Variants in PSG4 observed in about 807,000 individuals in gnomAD.
PSG4 encodes the protein pregnancy specific beta-1-glycoprotein 4.
In PSG4, 61 loss-of-function variants were observed where a neutral mutation model predicts 44.3. That is an observed-to-expected ratio of 1.38 (90% CI 1.12 to 1.70). The LOEUF (loss-of-function observed/expected upper bound fraction) is 1.70. Among genes scored for constraint, PSG4 ranks in the 40% most tolerant of loss-of-function variants. PSG4 has a pLI of 0.00. For missense variants in PSG4, 677 were observed against 511.7 expected (o/e 1.32, Z -3.12); for synonymous variants, 248 against 191.3 (o/e 1.30, Z -2.45).
At position 43,198,348 on chromosome 19, in the gene PSG4, G is replaced by A. The variant is rs1599772953; in HGVS notation, c.431-73C>T. 7 of 1,529,830 alleles carry A rather than the reference G, an allele frequency of 4.6e-6. 1 individual carries two copies. Among genetic ancestry groups the A allele is most frequent in the African/African-American group, 4.4e-5 (3 of 67,578 alleles). 94.8% of individuals were successfully genotyped at this position (1,529,830 alleles called of 1,614,324 possible). On this transcript the variant is annotated intron_variant, in intron 2 of 5. Coordinates refer to ENST00000405312, the MANE Select transcript of PSG4 (RefSeq NM_002780.5). ...CTTCCAAAGGCATTTTTCAATCAGA[G>A]TTGGCATTTCCCACCTCTCAGCCCA...
chr19:43,201,232 G>A (rs1342861902), intron 2 of PSG4, among the ~76,000 whole-genome samples: 2 of 145,400 alleles, frequency 1.4e-5, no homozygotes, highest in East Asian at 2.4e-4. Flanking sequence ...TTTATGGTTT[G>A]ACTTTGAAGC....
At chr19:43,200,974 G>A (rs1360250044) in intron 2 of PSG4, among the ~76,000 whole-genome samples, 1 of 146,016 alleles carries the variant, frequency 6.8e-6, no homozygotes, top group African/African-American at 2.6e-5. Flanking sequence ...GAAGTCTCTA[G>A]GAAGTGACAG....
In PSG4 at chr19:43,194,422, C is replaced by T. The variant is rs776868878; in HGVS notation, c.1161G>A (p.Lys387=). The T allele has an allele frequency of 1.2e-6, 2 of 1,612,262 alleles. No individual in the cohort carries two copies. The highest frequency in any genetic ancestry group is 1.3e-5 in the African/African-American group (1 of 74,500). Residue 387 remains lysine (K), a synonymous_variant, in exon 5 of 6, where the codon AAG becomes AAA. Coordinates refer to ENST00000405312, the MANE Select transcript of PSG4 (RefSeq NM_002780.5). ...QKLSIPQITT[K]HSGLYACSVR... is the part of the protein sequence containing the mutation. Reference sequence around the variant, plus strand: ...CAGAGCAAGCATAGAGCCCACTATGCTTTGTAGTTATTTGGGGGATAGAGA... The same window carrying T: ...CAGAGCAAGCATAGAGCCCACTATGTTTTGTAGTTATTTGGGGGATAGAGA...
chr19:43,204,699 C>CCCCCGCT (rs58719697), intron 1 of PSG4: 1 of 190,912 alleles, frequency 5.2e-6, no homozygotes, highest in Non-Finnish European at 9.4e-6. Flanking sequence ...TGTCTTCCCC[C>CCCCCGCT]CACGATGACT....
In PSG4 at chr19:43,195,261, T is replaced by A; in HGVS notation, c.722A>T (p.Lys241Met). Residue 241 changes from lysine to methionine, a missense_variant, in exon 4 of 6, where the codon AAG becomes ATG. By Grantham distance (95) the Lys-to-Met change is moderately conservative (BLOSUM62 -1). Transcript: ENST00000405312. ...VTLNLLPKLS[K>M]PYITINNLNP... The stretch of plus-strand genomic sequence containing the variant: ...TAAGTTGTTGATTGTGATGTAGGGC[T>A]TGGACAGCTTTGCTGTGTGGATAAC... 1.9e-6 allele frequency: 3 copies of A among 1,610,412 alleles called. No homozygotes were observed. The South Asian group carries it at 3.3e-5, about 18-fold the overall frequency.
chr19:43,197,893 T>A lies in PSG4; in HGVS notation c.709+104A>T. 8 of 1,575,004 alleles carry A rather than the reference T, an allele frequency of 5.1e-6. 1 individual carries two copies. Among genetic ancestry groups the A allele is most frequent in the Non-Finnish European group, 6.9e-6 (8 of 1,166,508 alleles). ...CATGGCCAGCTTTGATGTCTAGGGGTAAAGGTCTCTGTACTTGGACCTGAG... is the reference window on the plus strand; with the variant it reads ...CATGGCCAGCTTTGATGTCTAGGGGAAAAGGTCTCTGTACTTGGACCTGAG... On this transcript the variant is annotated intron_variant, in intron 3 of 5. Coordinates refer to ENST00000405312, the MANE Select transcript of PSG4 (RefSeq NM_002780.5).
At chr19:43,194,690 C>T (rs1967158652) in intron 4 of PSG4, 96 bp from the exon 5 acceptor site, 1 of 1,512,564 alleles carries the variant, frequency 6.6e-7, no homozygotes, top group Non-Finnish European at 8.9e-7. Context: ...TAAGCCAAGA[C>T]ACACCTTCAA....
intron 3 of PSG4, among the ~76,000 whole-genome samples, chr19:43,196,226 T>G (rs968661550): frequency 6.6e-6 from 1 of 150,948 alleles, no homozygotes; most frequent in Non-Finnish European, 1.5e-5. Context: ...GACATTCTAC[T>G]CTCTGATTCC....
rs1967188137 is a variant in PSG4 at position 43,195,215 on chromosome 19, A to G, written c.768T>C (p.Asp256=). The change falls in exon 4 of 6, where the codon GAT becomes GAC. Residue 256 remains aspartate (D), a synonymous_variant. Transcript: ENST00000405312. ...TAGGTTCACAGGTGAAGGTTAAGAC[A>G]TCCTTATTCTCTCTGGGGTTTAAGT... ...INNLNPRENK[D]VLTFTCEPKS... 2 of 1,610,338 alleles carry G rather than the reference A, an allele frequency of 1.2e-6. No individual in the cohort carries two copies. The highest frequency in any genetic ancestry group is 1.1e-5 in the South Asian group (1 of 90,926).
At chr19:43,205,299 G>A (rs1359963807) in intron 1 of PSG4, among the ~76,000 whole-genome samples, 174 bp downstream of exon 1, 2 of 142,498 alleles carry the variant, frequency 1.4e-5, no homozygotes, top group African/African-American at 2.7e-5. Context: ...AGTAGAGACA[G>A]GGCTTCACAG....
intron 2 of PSG4, among the ~76,000 whole-genome samples, chr19:43,200,850 G>A (rs150348666): frequency 0.039 from 5,726 of 146,142 alleles, 1,131 homozygotes; most frequent in East Asian, 0.16. Context: ...GATTATAGGC[G>A]TGAGCCACTG....
intron 2 of PSG4, among the ~76,000 whole-genome samples, chr19:43,201,123 G>A (rs1021846242): frequency 6.9e-6 from 1 of 145,708 alleles, no homozygotes; most frequent in African/African-American, 2.6e-5. Context: ...AGCAGTGACA[G>A]CAAACTAGCA....
rs1052266517 is a variant in PSG4 at position 43,194,273 on chromosome 19, C to T, written c.1243+67G>A. On this transcript the variant is annotated intron_variant, in intron 5 of 5. Coordinates refer to ENST00000405312, the MANE Select transcript of PSG4 (RefSeq NM_002780.5). ...GCTGGGAATAAAAATGTTTTCCTCACTCTTCCCTGAATGCCAGATAGACTC... is the reference window on the plus strand; with the variant it reads ...GCTGGGAATAAAAATGTTTTCCTCATTCTTCCCTGAATGCCAGATAGACTC... 12 of 1,609,844 alleles carry T rather than the reference C, an allele frequency of 7.5e-6. No homozygotes were observed. The African/African-American group carries it at 1.5e-4, about 20-fold the overall frequency.
intron 3 of PSG4, chr19:43,196,404 G>C (rs769416157): frequency 2.0e-5 from 3 of 151,570 alleles, no homozygotes; most frequent in Non-Finnish European, 2.9e-5. Context: ...TGTAGAGCTT[G>C]ATGCCTATAA....
rs1247531098 is a variant in PSG4, at chr19:43,199,257, C to A, written c.431-982G>T. Among the ~76,000 whole-genome samples, 2 of 144,920 alleles carry A rather than the reference C, an allele frequency of 1.4e-5. 1 individual carries two copies. The highest frequency in any genetic ancestry group is 4.3e-4 in the South Asian group (2 of 4,616). On this transcript the variant is annotated intron_variant, in intron 2 of 5. Coordinates refer to ENST00000405312, the MANE Select transcript of PSG4 (RefSeq NM_002780.5). ...ATTCTGAGTTTGACTACTCTATGTA[C>A]CTCATATAAGTGGATTCCAGAGTGA...
At chr19:43,200,736 C>T (rs778428798) in intron 2 of PSG4, among the ~76,000 whole-genome samples, 6 of 145,382 alleles carry the variant, frequency 4.1e-5, no homozygotes, top group African/African-American at 1.1e-4. Flanking sequence ...CCACCAAGCC[C>T]GGCTAATTTT....
chr19:43,202,193 T>A (rs1381193094), intron 2 of PSG4, among the ~76,000 whole-genome samples: 4 of 143,280 alleles, frequency 2.8e-5, no homozygotes, highest in Non-Finnish European at 6.0e-5. Context: ...CAGAATGAAG[T>A]GGGAGGAAGA....
chr19:43,204,920 G>A (rs56700032), intron 1 of PSG4: 174,239 of 309,434 alleles, frequency 0.56, 56,590 homozygotes, highest in East Asian at 0.83. Context: ...TATAGTTATT[G>A]TTATCATTTT....
At position 43,204,848 on chromosome 19, in the gene PSG4, G is replaced by T. The variant is rs781721487; in HGVS notation, c.65-597C>A. ...GTTTCTTTTTCCCCCCAATTGTTGA[G>T]GTTTCTTGCTGAGGACAGTGTTTCA... On this transcript the variant is annotated intron_variant, in intron 1 of 5. Coordinates refer to ENST00000405312, the MANE Select transcript of PSG4 (RefSeq NM_002780.5). 8.2e-5 allele frequency: 35 copies of T among 426,250 alleles called. 2 individuals carry two copies. Among genetic ancestry groups the T allele is most frequent in the Admixed American group, 1.6e-4 (6 of 37,408 alleles). 26.4% of individuals were successfully genotyped at this position (426,250 alleles called of 1,614,324 possible). A position where few individuals can be genotyped will look rare whatever the true frequency, so the allele number is the denominator to read the frequency against.
Sources: allele counts gnomAD v4.1 joint callset (sites outside exome capture counted in the v4.1 genomes callset), GRCh38; gene constraint gnomAD v4.1.1; transcripts MANE v1.5; gene names NCBI Gene and HGNC (gene_info 2026-07-23, HGNC 2026-07-21).